The following CASR variants were observed in gnomAD, a reference collection of about 807,000 sequenced individuals.
CASR encodes the protein calcium sensing receptor, also known as extracellular calcium-sensing receptor.
A neutral mutation model predicts 69.1 loss-of-function variants in CASR; 23 were observed. The observed-to-expected ratio is 0.33, with a 90% confidence interval of 0.24 to 0.47. The LOEUF is 0.47. CASR is among the 20% of genes least tolerant of loss of function. The probability of loss-of-function intolerance (pLI) is 1.00; values close to 1 mark genes in which losing one functional copy is unlikely to be tolerated. For missense variants in CASR, 924 were observed against 1,356.1 expected, an observed-to-expected ratio of 0.68 and a Z score of 5.00; for synonymous variants, 541 against 544.7, an observed-to-expected ratio of 0.99 and a Z score of 0.10.
intron 1 of CASR, among the ~76,000 whole-genome samples, chr3:122,236,602 A>G (rs960535097): frequency 2.0e-5 from 3 of 152,214 alleles, no homozygotes; most frequent in African/African-American, 7.2e-5. Flanking sequence ...ATATTAGGAA[A>G]TCAAGGAGGC....
chr3:122,186,914 G>C (rs9840904), intron 1 of CASR, among the ~76,000 whole-genome samples: 27,887 of 152,110 alleles, frequency 0.18, 3,490 homozygotes, highest in African/African-American at 0.36. Context: ...TGGCATTTTT[G>C]GCACTTTGGG....
At chr3:122,244,771 GAAAGATAAGGGAGAT>G (rs1253739145) in intron 1 of CASR, among the ~76,000 whole-genome samples, 1 of 152,032 alleles carries the variant, frequency 6.6e-6, no homozygotes. Context: ...AAGAGTGAGA[GAAAGATAAGGGAGAT>G]AAAGATAAGG....
intron 4 of CASR, among the ~76,000 whole-genome samples, chr3:122,268,571 G>A (rs1216567944): frequency 6.6e-6 from 1 of 152,206 alleles, no homozygotes; most frequent in Non-Finnish European, 1.5e-5. Context: ...CAAAGAGAAA[G>A]TATAGTGTGC....
At chr3:122,238,411 C>T (rs1462303231) in intron 1 of CASR, among the ~76,000 whole-genome samples, 1 of 152,202 alleles carries the variant, frequency 6.6e-6, no homozygotes, top group Non-Finnish European at 1.5e-5. Flanking sequence ...GCAGTCGGAA[C>T]TTGAGTTTCT....
chr3:122,185,566 C>T (rs988472371), intron 1 of CASR, among the ~76,000 whole-genome samples: 4 of 152,258 alleles, frequency 2.6e-5, no homozygotes, highest in Non-Finnish European at 5.9e-5. Context: ...TTTAGGTAGT[C>T]TGTTACTGAG....
chr3:122,252,344 G>GAAAGAGAGAAAGAAGA (rs1553765605), intron 1 of CASR, among the ~76,000 whole-genome samples: 1 of 48,176 alleles, frequency 2.1e-5, no homozygotes, highest in Non-Finnish European at 4.1e-5. Context: ...GAGAAAGAAA[G>GAAAGAGAGAAAGAAGA]AAGAAAGAAA....
Position 122,291,128 on chromosome 3 carries a change from G to GTGCCACATTTTCTTAATCCAGTCTATCA in CASR, c.*5938_*5939insGCCACATTTTCTTAATCCAGTCTATCAT, listed in dbSNP as rs2075009107. 7.8e-6 allele frequency: 1 copy of GTGCCACATTTTCTTAATCCAGTCTATCA among 128,216 alleles called. No homozygotes were observed. The highest frequency in any genetic ancestry group is 1.7e-5 in the Non-Finnish European group (1 of 59,386). 7.9% of individuals were successfully genotyped at this position (128,216 alleles called of 1,614,324 possible). ...CCACATTTTCTTAATCCAGTCTATCGTTGTTGGACATTTGGGTTGGTTCCA... is the reference window on the plus strand; with the variant it reads ...CCACATTTTCTTAATCCAGTCTATCGTGCCACATTTTCTTAATCCAGTCTATCATTGTTGGACATTTGGGTTGGTTCCA... On this transcript the variant is annotated 3_prime_UTR_variant, in exon 7 of 7. Transcript: ENST00000639785.
intron 1 of CASR, among the ~76,000 whole-genome samples, chr3:122,200,994 C>CTTTTTTTTTTTTT (rs67815991): frequency 3.9e-4 from 32 of 81,604 alleles, no homozygotes; most frequent in African/African-American, 4.6e-4. Context: ...CATTGCTTTT[C>CTTTTTTTTTTTTT]TTTTTTTTTT....
intron 1 of CASR, among the ~76,000 whole-genome samples, chr3:122,188,912 C>T (rs2073814576): frequency 6.6e-6 from 1 of 152,136 alleles, no homozygotes; most frequent in Non-Finnish European, 1.5e-5. Flanking sequence ...CCACAGTATC[C>T]ATTCATAAGG....
intron 1 of CASR, among the ~76,000 whole-genome samples, chr3:122,216,189 A>G (rs1340263215): frequency 6.6e-6 from 1 of 152,224 alleles, no homozygotes; most frequent in African/African-American, 2.4e-5. Flanking sequence ...CAGTTCACAG[A>G]CAGCCACATC....
chr3:122,188,891 A>G (rs867620909), intron 1 of CASR, among the ~76,000 whole-genome samples: 4 of 152,328 alleles, frequency 2.6e-5, no homozygotes, highest in South Asian at 2.1e-4. Context: ...CATGCAATGC[A>G]GTCTTGGTAA....
intron 4 of CASR, among the ~76,000 whole-genome samples, chr3:122,270,180 T>C (rs1024134456): frequency 5.3e-5 from 8 of 152,220 alleles, no homozygotes; most frequent in Non-Finnish European, 1.0e-4. Context: ...ATTTATTTAA[T>C]GGATAGAATG....
intron 5 of CASR, among the ~76,000 whole-genome samples, chr3:122,277,634 C>A (rs1337515970): frequency 2.0e-5 from 3 of 152,262 alleles, no homozygotes; most frequent in South Asian, 4.1e-4. Context: ...ACTAATTATA[C>A]CTTTGTCTAA....
intron 1 of CASR, among the ~76,000 whole-genome samples, chr3:122,199,929 T>G (rs1359842565): frequency 6.6e-6 from 1 of 152,200 alleles, no homozygotes; most frequent in African/African-American, 2.4e-5. Flanking sequence ...GTTTTTGAGA[T>G]GCAGTTTCGC....
chr3:122,195,438 G>C (rs1378273613), intron 1 of CASR, among the ~76,000 whole-genome samples: 2 of 152,128 alleles, frequency 1.3e-5, no homozygotes, highest in Non-Finnish European at 2.9e-5. Context: ...CAGCTTTGTG[G>C]TGTTCTTGAT....
At position 122,285,084 on chromosome 3, in the gene CASR, G is replaced by GT; in HGVS notation, c.3131dup (p.Glu1045GlyfsTer4). On this transcript the variant is annotated frameshift_variant, in exon 7 of 7. Transcript: ENST00000639785. LOFTEE classifies it high-confidence loss of function. ...TGTGGGTGGAGACCAGCGGCCAGAG[G>GT]TGGAGGACCCTGAAGAGTTGTCCCC... 1 of 1,614,236 alleles carries GT rather than the reference G, an allele frequency of 6.2e-7. No individual in the cohort carries two copies. Among genetic ancestry groups the GT allele is most frequent in the Non-Finnish European group, 8.5e-7 (1 of 1,180,038 alleles).
chr3:122,267,127 T>G (rs1232439696), intron 4 of CASR, among the ~76,000 whole-genome samples: 1 of 152,244 alleles, frequency 6.6e-6, no homozygotes, highest in Non-Finnish European at 1.5e-5. Context: ...CTGTCATTGC[T>G]CTTAGGAGTG....
intron 1 of CASR, among the ~76,000 whole-genome samples, chr3:122,229,642 A>G (rs2074260984): frequency 3.3e-5 from 5 of 152,216 alleles, no homozygotes. Flanking sequence ...CAGGTGGATC[A>G]CTTGAAGCCA....
intron 1 of CASR, among the ~76,000 whole-genome samples, chr3:122,239,905 G>A (rs1307874516): frequency 2.0e-5 from 3 of 152,102 alleles, no homozygotes; most frequent in Admixed American, 1.3e-4. Flanking sequence ...TGCCCTCAAA[G>A]GGACAAATCT....
Sources: gnomAD v4.1 joint callset for allele counts (sites outside exome capture counted in the v4.1 genomes callset) on GRCh38, gnomAD v4.1.1 for gene constraint, MANE v1.5 for transcripts, NCBI Gene and HGNC (gene_info 2026-07-23, HGNC 2026-07-21) for gene names.